Variants in RUNX1 observed in about 807,000 individuals in gnomAD.
The protein encoded by RUNX1 is runt-related transcription factor 1.
In RUNX1, 19 loss-of-function variants were observed where a neutral mutation model predicts 42.8. That is an observed-to-expected ratio of 0.44 (90% confidence interval 0.31 to 0.65). The LOEUF is 0.65. Among genes scored for constraint, RUNX1 ranks in the 30% least tolerant of loss-of-function variants. The pLI, the probability that RUNX1 is intolerant of heterozygous loss-of-function variation, is 0.07. For missense variants in RUNX1, 528 were observed against 672.0 expected, an observed-to-expected ratio of 0.79 and a Z score of 2.37; for synonymous variants, 271 against 289.4, an observed-to-expected ratio of 0.94 and a Z score of 0.64.
intron 3 of RUNX1, among the ~76,000 whole-genome samples, chr21:34,891,429 C>T (rs949501185): frequency 2.0e-5 from 3 of 152,236 alleles, no homozygotes; most frequent in Admixed American, 6.5e-5. Context: ...AACCTCTGCC[C>T]TTCCTTACTG....
intron 6 of RUNX1, among the ~76,000 whole-genome samples, chr21:34,847,964 T>G (rs2057340781): frequency 6.6e-6 from 1 of 152,138 alleles, no homozygotes; most frequent in African/African-American, 2.4e-5. Flanking sequence ...TGGTAAATAT[T>G]TGGCCCCCAC....
intron 2 of RUNX1, among the ~76,000 whole-genome samples, chr21:35,033,334 C>G (rs1250234854): frequency 6.6e-6 from 1 of 152,180 alleles, no homozygotes; most frequent in Non-Finnish European, 1.5e-5. Flanking sequence ...GCAAATAAAC[C>G]AGAGCAAGAA....
At chr21:34,851,203 CTT>C (rs2057413207) in intron 6 of RUNX1, among the ~76,000 whole-genome samples, 1 of 152,170 alleles carries the variant, frequency 6.6e-6, no homozygotes. Context: ...CCTTTAAAAA[CTT>C]TACAGCAAAA....
intron 2 of RUNX1, among the ~76,000 whole-genome samples, chr21:34,955,767 T>C (rs1435009961): frequency 6.6e-6 from 1 of 152,212 alleles, no homozygotes; most frequent in Non-Finnish European, 1.5e-5. Flanking sequence ...TGAAGCTCTG[T>C]TGAAAAATTA....
chr21:34,968,053 G>A (rs1332804952), intron 2 of RUNX1, among the ~76,000 whole-genome samples: 4 of 152,128 alleles, frequency 2.6e-5, no homozygotes, highest in Non-Finnish European at 4.4e-5. Flanking sequence ...CCAAACGCCC[G>A]ATCCAGCTTC....
At chr21:34,939,199 C>T (rs2058508465) in intron 2 of RUNX1, among the ~76,000 whole-genome samples, 1 of 152,188 alleles carries the variant, frequency 6.6e-6, no homozygotes, top group Non-Finnish European at 1.5e-5. Flanking sequence ...AAATTATCCT[C>T]TGGAACAAAA....
chr21:34,979,674 G>A (rs2058832095), intron 2 of RUNX1, among the ~76,000 whole-genome samples: 1 of 152,198 alleles, frequency 6.6e-6, no homozygotes, highest in Admixed American at 6.5e-5. Context: ...TTAAAGACAT[G>A]TCTATATATT....
At position 34,995,890 on chromosome 21, in the gene RUNX1, G is replaced by A. The variant is rs563710644; in HGVS notation, c.58+52952C>T. The stretch of plus-strand genomic sequence containing the variant: ...CTCCTCTGCCTCTTCGAATGTACAT[G>A]TGTAGGTGTATGTGTGTGTATATGT... On this transcript the variant is annotated intron_variant, in intron 2 of 8. Coordinates refer to ENST00000675419, the MANE Select transcript of RUNX1 (RefSeq NM_001754.5). Among the ~76,000 whole-genome samples the A allele has an allele frequency of 2.6e-5, 4 of 152,322 alleles. No homozygotes were observed. In the East Asian group the frequency reaches 7.7e-4, roughly 29 times the overall value.
chr21:34,809,727 TA>T (rs1449974376), intron 7 of RUNX1, among the ~76,000 whole-genome samples: 1 of 152,146 alleles, frequency 6.6e-6, no homozygotes, highest in East Asian at 1.9e-4. Context: ...TATCTCTGGC[TA>T]AACAGATACA....
intron 2 of RUNX1, among the ~76,000 whole-genome samples, chr21:34,993,600 GGC>G (rs2058965070): frequency 3.5e-4 from 17 of 49,018 alleles, no homozygotes; most frequent in Non-Finnish European, 6.8e-4. Flanking sequence ...CACACACACA[GGC>G]ACACACAGGC....
intron 6 of RUNX1, among the ~76,000 whole-genome samples, chr21:34,855,678 C>T (rs2057485885): frequency 6.6e-6 from 1 of 152,172 alleles, no homozygotes; most frequent in African/African-American, 2.4e-5. Flanking sequence ...CACTGCACCC[C>T]AGCCTGGGCA....
In RUNX1 at chr21:34,849,991, AC is replaced by A. The variant is rs143177114; in HGVS notation, c.613+9482del. ...ATGAGACCCAGTGTATCAAATTCTTACTAATGCCTTTCCTAGTTACATGGCT... is the reference window on the plus strand; with the variant it reads ...ATGAGACCCAGTGTATCAAATTCTTATAATGCCTTTCCTAGTTACATGGCT... On this transcript the variant is annotated intron_variant, in intron 6 of 8. Coordinates refer to ENST00000675419, the MANE Select transcript of RUNX1 (RefSeq NM_001754.5). 1.0e-2 allele frequency among the ~76,000 whole-genome samples: 1,512 copies of A among 151,876 alleles called. 23 individuals are homozygous for A. The highest frequency in any genetic ancestry group is 0.029 in the African/African-American group (1,185 of 41,412).
At chr21:34,932,783 T>C (rs553531319) in intron 2 of RUNX1, among the ~76,000 whole-genome samples, 4 of 152,306 alleles carry the variant, frequency 2.6e-5, no homozygotes, top group African/African-American at 4.8e-5. Context: ...AAAATGCTCA[T>C]GCCATGCTTC....
Position 34,791,926 on chromosome 21 carries a change from A to C in RUNX1, c.*209T>G. The C allele has an allele frequency of 3.1e-6, 1 of 322,710 alleles. No individual in the cohort carries two copies. The highest frequency in any genetic ancestry group is 4.7e-5 in the South Asian group (1 of 21,320). 20.0% of individuals were successfully genotyped at this position (322,710 alleles called of 1,614,324 possible). ...ACACCTCCGCGAGGGCCGGGGCGCC[A>C]GCAGACGGCGGCGGCGTGGGCTTCT... On this transcript the variant is annotated 3_prime_UTR_variant, in exon 9 of 9. Coordinates refer to ENST00000675419, the MANE Select transcript of RUNX1 (RefSeq NM_001754.5).
intron 2 of RUNX1, among the ~76,000 whole-genome samples, chr21:35,047,561 A>ACTCTCTCTCTCTCTCTCTCT (rs55862184): frequency 1.3e-4 from 6 of 46,760 alleles, no homozygotes; most frequent in South Asian, 8.2e-4. Context: ...ACACACACAC[A>ACTCTCTCTCTCTCTCTCTCT]CTCTCTCTCT....
intron 7 of RUNX1, chr21:34,833,617 C>T (rs2057097345): frequency 6.5e-6 from 1 of 153,124 alleles, no homozygotes; most frequent in African/African-American, 2.4e-5. Flanking sequence ...CTTAACAAGC[C>T]TGCTACTTTG....
intron 2 of RUNX1, among the ~76,000 whole-genome samples, chr21:34,918,381 G>C (rs781581237): frequency 4.0e-4 from 61 of 152,218 alleles, no homozygotes; most frequent in Non-Finnish European, 8.1e-4. Context: ...ATCATTATCA[G>C]CATTGCCAGA....
At chr21:34,863,550 C>CTTTT (rs34743281) in intron 5 of RUNX1, among the ~76,000 whole-genome samples, 142 of 109,116 alleles carry the variant, frequency 1.3e-3, no homozygotes, top group African/African-American at 2.3e-3. Flanking sequence ...TCATGCCCAT[C>CTTTT]TTTTTTTTTT....
At chr21:34,866,546 T>G (rs2057665288) in intron 5 of RUNX1, among the ~76,000 whole-genome samples, 1 of 152,230 alleles carries the variant, frequency 6.6e-6, no homozygotes, top group Non-Finnish European at 1.5e-5. Context: ...ATTTTTAATT[T>G]TGATTTCTCA....
Sources: gnomAD v4.1 joint callset for allele counts (sites outside exome capture counted in the v4.1 genomes callset) on GRCh38, gnomAD v4.1.1 for gene constraint, MANE v1.5 for transcripts, NCBI Gene and HGNC (gene_info 2026-07-23, HGNC 2026-07-21) for gene names.